Variants in RBMS3 observed in about 807,000 individuals in gnomAD.
RBMS3 encodes the protein RNA binding motif single stranded interacting protein 3, also known as RNA-binding motif, single-stranded-interacting protein 3.
A neutral mutation model predicts 66.8 loss-of-function variants in RBMS3; 27 were observed. That is an observed-to-expected ratio of 0.40 (90% confidence interval 0.30 to 0.56). The LOEUF is 0.56. Among genes scored for constraint, RBMS3 ranks in the 20% least tolerant of loss-of-function variants. RBMS3 has a pLI of 0.40. For missense variants in RBMS3, 513 were observed against 549.5 expected, an observed-to-expected ratio of 0.93 and a Z score of 0.66; for synonymous variants, 188 against 183.0, an observed-to-expected ratio of 1.03 and a Z score of -0.22.
intron 3 of RBMS3, among the ~76,000 whole-genome samples, chr3:29,491,707 G>C (rs193172460): frequency 6.9e-4 from 105 of 152,236 alleles, no homozygotes; most frequent in African/African-American, 2.4e-3. Context: ...ATTGGACAGC[G>C]GTTAGGCCGG....
At chr3:29,564,006 A>G (rs556154491) in intron 3 of RBMS3, among the ~76,000 whole-genome samples, 68 of 148,030 alleles carry the variant, frequency 4.6e-4, no homozygotes, top group African/African-American at 1.6e-3. Context: ...GATGCTGTCA[A>G]AAAAAAAAAA....
chr3:29,597,189 T>G (rs2047974035), intron 4 of RBMS3, among the ~76,000 whole-genome samples: 1 of 152,048 alleles, frequency 6.6e-6, no homozygotes, highest in African/African-American at 2.4e-5. Flanking sequence ...CCAAAATACA[T>G]GTTTTTTTAA....
At chr3:29,459,208 T>G (rs1234825135) in intron 2 of RBMS3, among the ~76,000 whole-genome samples, 2 of 152,200 alleles carry the variant, frequency 1.3e-5, no homozygotes, top group East Asian at 3.8e-4. Flanking sequence ...TAATTATCAT[T>G]AAGAAGTGAT....
At chr3:29,313,945 A>T (rs1011581483) in intron 1 of RBMS3, among the ~76,000 whole-genome samples, 2 of 151,694 alleles carry the variant, frequency 1.3e-5, no homozygotes, top group African/African-American at 4.8e-5. Flanking sequence ...TAGATGGATT[A>T]TCCTTTAACA....
chr3:29,547,194 A>T (rs1474302556), intron 3 of RBMS3, among the ~76,000 whole-genome samples: 2 of 152,096 alleles, frequency 1.3e-5, no homozygotes, highest in African/African-American at 4.8e-5. Context: ...TGAACTCTTG[A>T]CCACAAGTAA....
chr3:29,714,145 G>T (rs891533766), intron 4 of RBMS3, among the ~76,000 whole-genome samples: 1 of 140,410 alleles, frequency 7.1e-6, no homozygotes, highest in African/African-American at 2.7e-5. Flanking sequence ...TCTTCTAGGG[G>T]CTGGGGCCAT....
At chr3:29,516,473 G>GT (rs941478490) in intron 3 of RBMS3, among the ~76,000 whole-genome samples, 2 of 152,010 alleles carry the variant, frequency 1.3e-5, no homozygotes, top group South Asian at 2.1e-4. Context: ...GTTTTGTTTT[G>GT]TTTTTTGAGA....
intron 6 of RBMS3, among the ~76,000 whole-genome samples, chr3:29,865,122 A>C (rs1022442870): frequency 6.6e-5 from 10 of 151,092 alleles, no homozygotes; most frequent in Admixed American, 6.6e-4. Context: ...GGAAGGAAGG[A>C]AGGAAGGAAG....
intron 10 of RBMS3, among the ~76,000 whole-genome samples, chr3:29,924,498 G>A (rs949152255): frequency 6.6e-6 from 1 of 151,998 alleles, no homozygotes; most frequent in Admixed American, 6.6e-5. Flanking sequence ...GAATGGCAGA[G>A]GTACACCACA....
intron 4 of RBMS3, among the ~76,000 whole-genome samples, chr3:29,623,883 G>A (rs2048965435): frequency 6.6e-6 from 1 of 152,062 alleles, no homozygotes; most frequent in Non-Finnish European, 1.5e-5. Flanking sequence ...ACTTCCCAGT[G>A]GAAGCAAAAG....
At chr3:29,840,498 A>G (rs2149502256) in intron 6 of RBMS3, among the ~76,000 whole-genome samples, 1 of 152,132 alleles carries the variant, frequency 6.6e-6, no homozygotes, top group South Asian at 2.1e-4. Context: ...CCTATATCAC[A>G]TATCATGTAG....
At chr3:29,709,891 T>G (rs1395201899) in intron 4 of RBMS3, among the ~76,000 whole-genome samples, 1 of 152,208 alleles carries the variant, frequency 6.6e-6, no homozygotes, top group African/African-American at 2.4e-5. Context: ...TTTTTGATAT[T>G]TTATCAGTCA....
At chr3:29,777,991 C>G (rs1264566059) in intron 6 of RBMS3, among the ~76,000 whole-genome samples, 1 of 151,840 alleles carries the variant, frequency 6.6e-6, no homozygotes. Flanking sequence ...TACTTATACT[C>G]TTTTTCTCTG....
chr3:29,394,840 C>T (rs562514508), intron 1 of RBMS3, among the ~76,000 whole-genome samples: 2 of 152,316 alleles, frequency 1.3e-5, no homozygotes, highest in African/African-American at 4.8e-5. Context: ...GCCACAGTGG[C>T]CTCTTTGCCG....
chr3:29,507,291 A>G (rs1245656572), intron 3 of RBMS3, among the ~76,000 whole-genome samples: 3 of 151,992 alleles, frequency 2.0e-5, no homozygotes, highest in Non-Finnish European at 2.9e-5. Flanking sequence ...TTTTCTACAG[A>G]AATAATGTTT....
chr3:29,588,252 A>G (rs112036824), intron 4 of RBMS3, among the ~76,000 whole-genome samples: 4 of 152,094 alleles, frequency 2.6e-5, no homozygotes, highest in African/African-American at 9.7e-5. Context: ...CTGATTGATA[A>G]TAGTGAACTT....
intron 6 of RBMS3, among the ~76,000 whole-genome samples, chr3:29,861,141 A>G (rs955865286): frequency 1.3e-5 from 2 of 152,146 alleles, no homozygotes; most frequent in African/African-American, 4.8e-5. Flanking sequence ...ATAATTTACA[A>G]CCTCAAAATT....
chr3:29,870,339 A>C lies in RBMS3; in HGVS notation c.744+1375A>C, dbSNP rs80070397. On this transcript the variant is annotated intron_variant, in intron 7 of 14. Transcript: ENST00000383767. Reference sequence around the variant, plus strand: ...CATTATCTAAAAAGACTCATTTGACATTTTAAAATTTGGTTGGATAAAATG... The same window carrying C: ...CATTATCTAAAAAGACTCATTTGACCTTTTAAAATTTGGTTGGATAAAATG... 4.7e-3 allele frequency among the ~76,000 whole-genome samples: 722 copies of C among 152,148 alleles called. 21 individuals carry two copies. In the East Asian group the frequency reaches 0.07, roughly 15 times the overall value.
chr3:29,433,206 T>C (rs369457806), intron 1 of RBMS3, among the ~76,000 whole-genome samples: 1 of 152,068 alleles, frequency 6.6e-6, no homozygotes. Flanking sequence ...TGGCACAAAA[T>C]GTATTATAGT....
Sources: allele counts gnomAD v4.1 joint callset (sites outside exome capture counted in the v4.1 genomes callset), GRCh38; gene constraint gnomAD v4.1.1; transcripts MANE v1.5; gene names NCBI Gene and HGNC (gene_info 2026-07-23, HGNC 2026-07-21).